Variants in CYRIA observed in about 807,000 individuals in gnomAD.
CYRIA encodes the protein CYFIP-related Rac1 interactor A.
A neutral mutation model predicts 43.9 loss-of-function variants in CYRIA; 15 were observed. The observed-to-expected ratio is 0.34, with a 90% CI of 0.23 to 0.53. The LOEUF is 0.53. CYRIA is among the 20% of genes least tolerant of loss of function. The pLI is 0.94. For synonymous variants in CYRIA, 117 were observed against 136.0 expected, an observed-to-expected ratio of 0.86 and a Z score of 0.97; for missense variants, 236 against 394.2, an observed-to-expected ratio of 0.60 and a Z score of 3.40.
At chr2:16,590,544 G>A (rs78379477) in intron 2 of CYRIA, among the ~76,000 whole-genome samples, 12,306 of 152,128 alleles carry the variant, frequency 0.081, 640 homozygotes, top group African/African-American at 0.14. Context: ...TACTGTCAGA[G>A]TACCTAAGTA....
intron 1 of CYRIA, among the ~76,000 whole-genome samples, chr2:16,661,671 G>A (rs1462733419): frequency 2.0e-5 from 3 of 152,112 alleles, no homozygotes; most frequent in African/African-American, 7.2e-5. Flanking sequence ...ACACTGACTG[G>A]TTCCACCCCT....
At chr2:16,593,718 GTT>G (rs572181896) in intron 2 of CYRIA, among the ~76,000 whole-genome samples, 3,457 of 85,808 alleles carry the variant, frequency 0.04, 54 homozygotes, top group African/African-American at 0.072. Context: ...GTGTGTGTGT[GTT>G]TTTTTTTTTT....
At chr2:16,645,020 C>A (rs1022887189) in intron 1 of CYRIA, among the ~76,000 whole-genome samples, 1 of 152,086 alleles carries the variant, frequency 6.6e-6, no homozygotes, top group Non-Finnish European at 1.5e-5. Flanking sequence ...GGAAAGAAAG[C>A]CTTGGGACAG....
At chr2:16,582,749 C>T (rs1257185829) in intron 3 of CYRIA, among the ~76,000 whole-genome samples, 1 of 152,082 alleles carries the variant, frequency 6.6e-6, no homozygotes, top group Non-Finnish European at 1.5e-5. Context: ...ATTTCATTTG[C>T]CCATTCGTCA....
intron 5 of CYRIA, among the ~76,000 whole-genome samples, chr2:16,562,988 G>A (rs1428318631): frequency 6.6e-6 from 1 of 152,130 alleles, no homozygotes; most frequent in African/African-American, 2.4e-5. Context: ...TCTGCTCTAT[G>A]TAGTTCTTAC....
chr2:16,621,514 A>C (rs1668993864), intron 2 of CYRIA, among the ~76,000 whole-genome samples: 1 of 152,166 alleles, frequency 6.6e-6, no homozygotes, highest in African/African-American at 2.4e-5. Context: ...AGAGAAAGGA[A>C]GGGTAGAAGA....
chr2:16,617,995 CTTTA>C (rs565061097), intron 2 of CYRIA, among the ~76,000 whole-genome samples: 86 of 152,318 alleles, frequency 5.6e-4, no homozygotes, highest in African/African-American at 1.9e-3. Flanking sequence ...CTCTCTCCCT[CTTTA>C]TTTATTTTTA....
Position 16,569,654 on chromosome 2 carries a change from T to G in CYRIA, c.71-3887A>C, listed in dbSNP as rs140864179. Reference sequence around the variant, plus strand: ...GTGACAACTGGGAGAAGCTCTAGTCTGTCTGTCTGTCTCTCTTTTCAAATG... The same window carrying G: ...GTGACAACTGGGAGAAGCTCTAGTCGGTCTGTCTGTCTCTCTTTTCAAATG... On this transcript the variant is annotated intron_variant, in intron 3 of 11. Coordinates refer to ENST00000381323, the MANE Select transcript of CYRIA (RefSeq NM_030797.4). Among the ~76,000 whole-genome samples, 989 of 152,338 alleles carry G rather than the reference T, an allele frequency of 6.5e-3. 11 individuals are homozygous for G. The highest frequency in any genetic ancestry group is 0.022 in the African/African-American group (899 of 41,584).
Position 16,551,643 on chromosome 2 carries a change from A to T in CYRIA, c.*1293T>A, listed in dbSNP as rs1177199902. The T allele has an allele frequency of 1.3e-5, 2 of 152,146 alleles. No homozygotes were observed. Among genetic ancestry groups the T allele is most frequent in the East Asian group, 3.9e-4 (2 of 5,184 alleles). 9.4% of individuals were successfully genotyped at this position (152,146 alleles called of 1,614,324 possible). ...CAGAGAGAATGACTGCAGGCTTCAT[A>T]ATATTGTTCATCAACAAGACAAGGT... is the stretch of plus-strand genomic sequence containing the variant. On this transcript the variant is annotated 3_prime_UTR_variant, in exon 12 of 12. Coordinates refer to ENST00000381323, the MANE Select transcript of CYRIA (RefSeq NM_030797.4).
chr2:16,555,929 A>G (rs531811118), intron 10 of CYRIA, among the ~76,000 whole-genome samples: 2 of 152,238 alleles, frequency 1.3e-5, no homozygotes, highest in South Asian at 4.1e-4. Flanking sequence ...TATCTTCACA[A>G]ACCTAGGCAA....
chr2:16,657,418 T>G (rs569153469), intron 1 of CYRIA, among the ~76,000 whole-genome samples: 6 of 152,148 alleles, frequency 3.9e-5, no homozygotes, highest in Middle Eastern at 3.2e-3. Flanking sequence ...TCAGGAAATT[T>G]TTTTTAAAAT....
In CYRIA at chr2:16,650,184, G is replaced by A. The variant is rs1362459260; in HGVS notation, c.-167+15596C>T. Among the ~76,000 whole-genome samples the A allele has an allele frequency of 6.6e-6, 1 of 152,160 alleles. No homozygotes were observed. Among genetic ancestry groups the A allele is most frequent in the African/African-American group, 2.4e-5 (1 of 41,430 alleles). ...GGGGTTATTTCTGACTGCAGCAAAAGTGACATACTCCACATTTTTCCAGAT... is the reference window on the plus strand; with the variant it reads ...GGGGTTATTTCTGACTGCAGCAAAAATGACATACTCCACATTTTTCCAGAT... On this transcript the variant is annotated intron_variant, in intron 1 of 11. Transcript: ENST00000381323. This position sits in a 1 kb window ranked among gnomAD's most constrained non-coding sequence, Gnocchi z 4.1.
chr2:16,588,157 C>A (rs1268811015), intron 2 of CYRIA, 28 bp from the exon 3 acceptor site: 2 of 1,423,522 alleles, frequency 1.4e-6, no homozygotes, highest in Non-Finnish European at 1.9e-6. Flanking sequence ...AAACCAAATA[C>A]CATTAGCAAC....
chr2:16,646,433 G>T (rs1270856499), intron 1 of CYRIA, among the ~76,000 whole-genome samples: 2 of 152,208 alleles, frequency 1.3e-5, no homozygotes, highest in Non-Finnish European at 1.5e-5. Context: ...GAGAGAACTT[G>T]TATAGGCAAA....
intron 2 of CYRIA, among the ~76,000 whole-genome samples, chr2:16,616,494 A>T (rs1310053160): frequency 2.0e-5 from 3 of 152,148 alleles, no homozygotes; most frequent in Admixed American, 6.5e-5. Flanking sequence ...CCTCGCTCAG[A>T]GGACCTTCCT....
At chr2:16,575,962 G>A (rs1667331085) in intron 3 of CYRIA, among the ~76,000 whole-genome samples, 1 of 152,184 alleles carries the variant, frequency 6.6e-6, no homozygotes, top group Non-Finnish European at 1.5e-5. Context: ...ATCCAGGTAA[G>A]AGACATGACT....
intron 2 of CYRIA, chr2:16,622,892 A>G (rs914745389): frequency 7.9e-5 from 12 of 152,240 alleles, no homozygotes; most frequent in Admixed American, 2.6e-4. Context: ...CTGGGATAAG[A>G]CAATCCTGGG....
intron 1 of CYRIA, among the ~76,000 whole-genome samples, chr2:16,628,474 T>C (rs1314141112): frequency 4.6e-5 from 7 of 152,182 alleles, no homozygotes; most frequent in African/African-American, 1.7e-4. Flanking sequence ...TTCTGGGCTG[T>C]CAGAGCACAT....
chr2:16,603,857 G>A (rs756374341), intron 2 of CYRIA, among the ~76,000 whole-genome samples: 6 of 152,160 alleles, frequency 3.9e-5, no homozygotes, highest in Admixed American at 2.0e-4. Flanking sequence ...CAAAGCCTAC[G>A]TCATGAGCCT....
Sources: gnomAD v4.1 joint callset for allele counts (sites outside exome capture counted in the v4.1 genomes callset) on GRCh38, gnomAD v4.1.1 for gene constraint, Gnocchi (gnomAD v3.1) non-coding constraint, MANE v1.5 for transcripts, NCBI Gene and HGNC (gene_info 2026-07-23, HGNC 2026-07-21) for gene names.